The following FABP12 variants were observed in gnomAD, a reference collection of about 807,000 sequenced individuals.
FABP12 encodes fatty acid binding protein 12.
A neutral mutation model predicts 13.7 loss-of-function variants in FABP12; 19 were observed. That is an observed-to-expected ratio of 1.39 (90% CI 0.97 to 2.04). FABP12 has a LOEUF of 2.04. FABP12 is among the 30% of genes most tolerant of loss of function. The probability of loss-of-function intolerance (pLI) is 0.00; values close to 1 mark genes in which losing one functional copy is unlikely to be tolerated. For missense variants in FABP12, 182 were observed against 164.2 expected (o/e 1.11, Z -0.59); for synonymous variants, 61 against 57.0 (o/e 1.07, Z -0.32).
intron 1 of FABP12, among the ~76,000 whole-genome samples, chr8:81,541,722 G>C (rs1003292603): frequency 1.6e-4 from 24 of 151,900 alleles, no homozygotes; most frequent in Non-Finnish European, 2.8e-4. Context: ...CCTTCTAGAA[G>C]TCTCCATGTG....
At chr8:81,578,240 G>C (rs977167214) in intron 1 of FABP12, among the ~76,000 whole-genome samples, 2 of 152,130 alleles carry the variant, frequency 1.3e-5, no homozygotes, top group Admixed American at 1.3e-4. Flanking sequence ...ATTCTTAAAA[G>C]AATACATTTA....
In FABP12 at chr8:81,529,628, G is replaced by A. The variant is rs373468548; in HGVS notation, c.74-18C>T. On this transcript the variant is annotated intron_variant, in intron 2 of 4. Coordinates refer to ENST00000360464, the Ensembl canonical transcript of FABP12. ...TCCTATACCTGGAAACCAGATAAAA[G>A]GAGTATTATCTTTTTGCATAAAGAA... The A allele has an allele frequency of 7.5e-5, 121 of 1,603,748 alleles. No individual in the cohort carries two copies. In the African/African-American group the frequency reaches 1.3e-3, roughly 17 times the overall value.
chr8:81,549,279 T>C (rs149955827), intron 1 of FABP12, among the ~76,000 whole-genome samples: 241 of 152,152 alleles, frequency 1.6e-3, no homozygotes, highest in African/African-American at 5.6e-3. Context: ...TGGTTGGTTC[T>C]GTTTCTCTGG....
intron 1 of FABP12, among the ~76,000 whole-genome samples, chr8:81,582,723 T>G (rs1810185187): frequency 6.6e-6 from 1 of 151,988 alleles, no homozygotes; most frequent in Non-Finnish European, 1.5e-5. Flanking sequence ...ATTACTAGAT[T>G]TAAAGGGAGA....
chr8:81,526,975 A>C (rs779233701), intron 4 of FABP12, 45 bp downstream of exon 4: 1 of 1,073,944 alleles, frequency 9.3e-7, no homozygotes, highest in African/African-American at 1.6e-5. Flanking sequence ...ATTTTATATT[A>C]GTCGTTGCAG....
intron 1 of FABP12, among the ~76,000 whole-genome samples, chr8:81,584,063 C>T (rs746776928): frequency 2.6e-5 from 4 of 152,176 alleles, no homozygotes; most frequent in Non-Finnish European, 5.9e-5. Flanking sequence ...GTGATACATC[C>T]TATCAATAGG....
chr8:81,587,904 T>A (rs1377661268), intron 1 of FABP12, among the ~76,000 whole-genome samples: 1 of 152,022 alleles, frequency 6.6e-6, no homozygotes, highest in Non-Finnish European at 1.5e-5. Context: ...ACTTCAAAAG[T>A]AGGGAAGCCG....
In FABP12 at chr8:81,571,061, C is replaced by CT. The variant is rs1809922779; in HGVS notation, c.-185+18991_-185+18992insA. 0.015 allele frequency among the ~76,000 whole-genome samples: 8 copies of CT among 542 alleles called. No homozygotes were observed. The South Asian group carries it at 0.17, about 12-fold the overall frequency. The allele number at this position is 542 out of a possible 152,430, so 0.4% of individuals were successfully genotyped here. A position where few individuals can be genotyped will look rare whatever the true frequency, so the allele number is the denominator to read the frequency against. On this transcript the variant is annotated intron_variant, in intron 1 of 5. Transcript: ENST00000692030. ...AGCCACCCTCAGGCCCCCACTCAGT[C>CT]CCCCCACCCCACTTACACTTGTGGG...
intron 1 of FABP12, among the ~76,000 whole-genome samples, chr8:81,585,953 A>T (rs955309842): frequency 3.9e-5 from 6 of 152,146 alleles, no homozygotes; most frequent in Non-Finnish European, 7.4e-5. Flanking sequence ...GATAATCAGC[A>T]TCATATTCAA....
At chr8:81,563,360 C>G (rs1446720809) in intron 1 of FABP12, among the ~76,000 whole-genome samples, 2 of 151,842 alleles carry the variant, frequency 1.3e-5, no homozygotes, top group Non-Finnish European at 2.9e-5. Context: ...AATAAATACC[C>G]AATTCTCCAA....
At chr8:81,525,359 T>C (rs1404361099) in intron 4 of FABP12, among the ~76,000 whole-genome samples, 1 of 151,936 alleles carries the variant, frequency 6.6e-6, no homozygotes, top group African/African-American at 2.4e-5. Flanking sequence ...CTACTAAAAA[T>C]ACAAAAATTA....
intron 1 of FABP12, among the ~76,000 whole-genome samples, chr8:81,572,825 G>T (rs1439284924): frequency 1.3e-5 from 2 of 150,992 alleles, no homozygotes; most frequent in African/African-American, 2.4e-5. Flanking sequence ...CTGATTTTTT[G>T]AGTTCATTGT....
At chr8:81,536,942 A>G (rs147695052), upstream of FABP12, among the ~76,000 whole-genome samples, 64 of 152,372 alleles carry the variant, frequency 4.2e-4, no homozygotes, top group African/African-American at 1.4e-3. Context: ...CTGGCTCTTC[A>G]CAGAAAAAAT....
upstream of FABP12, among the ~76,000 whole-genome samples, chr8:81,533,957 A>G (rs1809155807): frequency 6.6e-6 from 1 of 152,068 alleles, no homozygotes; most frequent in African/African-American, 2.4e-5. Flanking sequence ...TTGATATCCT[A>G]TAGTCAAGAA....
intron 1 of FABP12, among the ~76,000 whole-genome samples, chr8:81,552,865 T>C (rs1224828881): frequency 1.3e-5 from 2 of 152,110 alleles, no homozygotes; most frequent in Non-Finnish European, 2.9e-5. Context: ...TGGTTCCATT[T>C]ACTGAGAGAG....
intron 1 of FABP12, among the ~76,000 whole-genome samples, chr8:81,550,736 T>A (rs112927202): frequency 1.3e-5 from 2 of 152,158 alleles, no homozygotes; most frequent in Non-Finnish European, 2.9e-5. Context: ...GCTCACTTAG[T>A]CTGGAGAGTC....
At chr8:81,538,702 A>G (rs1476887397), upstream of FABP12, among the ~76,000 whole-genome samples, 3 of 152,198 alleles carry the variant, frequency 2.0e-5, no homozygotes, top group East Asian at 5.8e-4. Context: ...TGGCCTCCAA[A>G]TCTGTAGGAG....
chr8:81,528,834 C>G (rs1808979583), intron 3 of FABP12, among the ~76,000 whole-genome samples: 1 of 152,098 alleles, frequency 6.6e-6, no homozygotes, highest in Admixed American at 6.5e-5. Flanking sequence ...GTCTCTTTAT[C>G]CTGGTGTTGG....
upstream of FABP12, among the ~76,000 whole-genome samples, chr8:81,535,844 C>CA (rs527388278): frequency 9.9e-4 from 151 of 152,250 alleles, 2 homozygotes; most frequent in East Asian, 0.017. Flanking sequence ...GGAATCTGAG[C>CA]AAAAGATCAT....
Sources: allele counts gnomAD v4.1 joint callset (sites outside exome capture counted in the v4.1 genomes callset), GRCh38; gene constraint gnomAD v4.1.1; transcripts MANE v1.5; gene names NCBI Gene and HGNC (gene_info 2026-07-23, HGNC 2026-07-21).